Variants in KCND2 observed in about 807,000 individuals in gnomAD.
KCND2 encodes potassium voltage-gated channel subfamily D member 2.
KCND2 carries 16 observed loss-of-function variants against 54.4 expected under a neutral mutation model. The observed-to-expected ratio is 0.29, with a 90% CI of 0.20 to 0.45. KCND2 has a LOEUF of 0.45. Ranked by LOEUF, KCND2 falls within the 20% of genes least tolerant of loss-of-function variation. The pLI is 1.00. For missense variants in KCND2, 486 were observed against 824.2 expected (o/e 0.59, Z 5.02); for synonymous variants, 317 against 310.7 (o/e 1.02, Z -0.21).
At chr7:120,735,117 A>G (rs1341224477) in intron 2 of KCND2, among the ~76,000 whole-genome samples, 1 of 152,030 alleles carries the variant, frequency 6.6e-6, no homozygotes, top group African/African-American at 2.4e-5. Flanking sequence ...CTAGCCTTTA[A>G]TTATTACAGA....
At chr7:120,326,145 T>A (rs1584731449) in intron 1 of KCND2, among the ~76,000 whole-genome samples, 2 of 152,048 alleles carry the variant, frequency 1.3e-5, no homozygotes. Context: ...TGAGTAAATA[T>A]AGAACAGTTT....
chr7:120,309,264 T>C (rs1201735703), intron 1 of KCND2, among the ~76,000 whole-genome samples: 1 of 151,968 alleles, frequency 6.6e-6, no homozygotes, highest in East Asian at 1.9e-4. Context: ...AAGATGTTTA[T>C]TCTTTGGGAA....
At chr7:120,314,705 A>G (rs1237833972) in intron 1 of KCND2, among the ~76,000 whole-genome samples, 3 of 152,208 alleles carry the variant, frequency 2.0e-5, no homozygotes, top group African/African-American at 7.2e-5. Flanking sequence ...TCTCTATAGT[A>G]TAATATTACA....
chr7:120,473,762 G>T (rs1430538592), intron 1 of KCND2, among the ~76,000 whole-genome samples: 1 of 151,956 alleles, frequency 6.6e-6, no homozygotes, highest in Non-Finnish European at 1.5e-5. Context: ...CAGTGTACAG[G>T]ATTATTCAAC....
intron 1 of KCND2, among the ~76,000 whole-genome samples, chr7:120,394,974 C>T (rs1801132605): frequency 6.6e-6 from 1 of 152,032 alleles, no homozygotes; most frequent in African/African-American, 2.4e-5. Flanking sequence ...ACATGCTACT[C>T]TATACCACTC....
intron 1 of KCND2, among the ~76,000 whole-genome samples, chr7:120,351,246 A>G (rs62470542): frequency 0.023 from 2,781 of 119,710 alleles, 90 homozygotes; most frequent in African/African-American, 0.098. Flanking sequence ...ATATGTGTGT[A>G]TATATATATA....
At chr7:120,521,838 AAC>A (rs1791699647) in intron 1 of KCND2, among the ~76,000 whole-genome samples, 1 of 152,168 alleles carries the variant, frequency 6.6e-6, no homozygotes, top group Non-Finnish European at 1.5e-5. Flanking sequence ...GTTATAGCAA[AAC>A]ACAGAAAAAT....
At chr7:120,530,147 A>G (rs146010725) in intron 1 of KCND2, among the ~76,000 whole-genome samples, 1 of 152,332 alleles carries the variant, frequency 6.6e-6, no homozygotes, top group African/African-American at 2.4e-5. Flanking sequence ...ATTGTCAATA[A>G]TAGCTTAATT....
chr7:120,692,629 A>T (rs1352920787), intron 1 of KCND2, among the ~76,000 whole-genome samples: 2 of 152,124 alleles, frequency 1.3e-5, no homozygotes, highest in African/African-American at 2.4e-5. Context: ...CTCTTCTAGG[A>T]TTAACAAGAA....
intron 1 of KCND2, among the ~76,000 whole-genome samples, chr7:120,337,893 A>G (rs1489760809): frequency 6.6e-6 from 1 of 152,310 alleles, no homozygotes; most frequent in South Asian, 2.1e-4. Context: ...AAAAGTTTTT[A>G]TTGAGCTGCC....
chr7:120,358,366 A>G (rs1227562951), intron 1 of KCND2, among the ~76,000 whole-genome samples: 1 of 152,076 alleles, frequency 6.6e-6, no homozygotes, highest in African/African-American at 2.4e-5. Context: ...TTTTATTTTC[A>G]ATGCATAAAT....
At chr7:120,699,313 A>C (rs923580935) in intron 1 of KCND2, among the ~76,000 whole-genome samples, 1 of 152,120 alleles carries the variant, frequency 6.6e-6, no homozygotes, top group African/African-American at 2.4e-5. Flanking sequence ...ATCAATGAAT[A>C]ATATGTCCAA....
chr7:120,566,370 T>C (rs1307811726), intron 1 of KCND2, among the ~76,000 whole-genome samples: 1 of 152,160 alleles, frequency 6.6e-6, no homozygotes, highest in African/African-American at 2.4e-5. Flanking sequence ...AGATGAGGTC[T>C]GGCTCTGTTC....
intron 1 of KCND2, among the ~76,000 whole-genome samples, chr7:120,510,610 TATC>T (rs1482257788): frequency 4.6e-5 from 7 of 152,040 alleles, no homozygotes; most frequent in African/African-American, 1.7e-4. Context: ...GGTGATTTGA[TATC>T]ATTTTTAATA....
At chr7:120,563,240 G>A (rs1792257117) in intron 1 of KCND2, among the ~76,000 whole-genome samples, 1 of 152,046 alleles carries the variant, frequency 6.6e-6, no homozygotes, top group Non-Finnish European at 1.5e-5. Context: ...CACATTGTAA[G>A]TTCAAGAATA....
chr7:120,693,965 G>A (rs868027230), intron 1 of KCND2, among the ~76,000 whole-genome samples: 1 of 152,172 alleles, frequency 6.6e-6, no homozygotes, highest in Admixed American at 6.5e-5. Context: ...ATGGGTGGTG[G>A]ATGCCTGTAG....
At chr7:120,331,510 T>A (rs905006565) in intron 1 of KCND2, among the ~76,000 whole-genome samples, 1 of 150,944 alleles carries the variant, frequency 6.6e-6, no homozygotes, top group South Asian at 2.1e-4. Flanking sequence ...AGACAAAGAG[T>A]GAGAGAGAGA....
chr7:120,500,784 T>C (rs1802920253), intron 1 of KCND2, among the ~76,000 whole-genome samples: 1 of 150,780 alleles, frequency 6.6e-6, no homozygotes. Flanking sequence ...CTGGGAGTTA[T>C]GATTTAAATT....
intron 1 of KCND2, among the ~76,000 whole-genome samples, chr7:120,465,863 A>G (rs987394843): frequency 3.3e-5 from 5 of 152,208 alleles, no homozygotes; most frequent in Non-Finnish European, 5.9e-5. Flanking sequence ...TAAAAGAGTA[A>G]TGGGAAGTAA....
Sources: allele counts gnomAD v4.1 joint callset (sites outside exome capture counted in the v4.1 genomes callset), GRCh38; gene constraint gnomAD v4.1.1; transcripts MANE v1.5; gene names NCBI Gene and HGNC (gene_info 2026-07-23, HGNC 2026-07-21).